Variants in MFN2 observed in about 807,000 individuals in gnomAD.
MFN2 encodes mitofusin-2.
MFN2 carries 43 observed loss-of-function variants against 87.5 expected under a neutral mutation model. That is an observed-to-expected ratio of 0.49 (90% CI 0.38 to 0.63). The LOEUF (loss-of-function observed/expected upper bound fraction) is 0.63. Among genes scored for constraint, MFN2 ranks in the 30% least tolerant of loss-of-function variants. The probability of loss-of-function intolerance (pLI) is 0.00; values close to 1 mark genes in which losing one functional copy is unlikely to be tolerated. For missense variants in MFN2, 743 were observed against 972.8 expected, an observed-to-expected ratio of 0.76 and a Z score of 3.14; for synonymous variants, 337 against 359.9, an observed-to-expected ratio of 0.94 and a Z score of 0.72.
intron 7 of MFN2, 42 bp downstream of exon 7, chr1:11,998,920 T>C (rs1172508987): frequency 1.2e-6 from 2 of 1,612,222 alleles, no homozygotes; most frequent in African/African-American, 1.3e-5. Context: ...CAGCACCCCC[T>C]GGGCAGGCAG....
At position 11,997,361 on chromosome 1, in the gene MFN2, G is replaced by A; in HGVS notation, c.539G>A (p.Ser180Asn). The change falls in exon 6 of 19, where the codon AGT becomes AAT. Residue 180 changes from serine to asparagine, a missense_variant. Around this residue, in one of 3 missense-constraint regions of MFN2, gnomAD observed 141 missense variants for 278.9 expected, o/e 0.51. Coordinates refer to ENST00000235329, the MANE Select transcript of MFN2 (RefSeq NM_014874.4). ...CAGCTCCATGCCGGCAGCCTAGTGA[G>A]TGTGATGTGGCCCAACTCTAAGTGC... ...DKQLHAGSLV[S>N]VMWPNSKCPL... is the part of the protein sequence containing the mutation. 3.7e-6 allele frequency: 6 copies of A among 1,614,216 alleles called. No individual in the cohort carries two copies. Among genetic ancestry groups the A allele is most frequent in the Non-Finnish European group, 5.1e-6 (6 of 1,180,032 alleles).
chr1:12,001,891 G>A, intron 10 of MFN2, 55 bp downstream of exon 10: 1 of 1,613,760 alleles, frequency 6.2e-7, no homozygotes, highest in Non-Finnish European at 8.5e-7. Context: ...GCTCCCATTG[G>A]CTGTGTCCCT....
At chr1:12,001,322 C>T (rs1639161182) in intron 8 of MFN2, 79 bp from the exon 9 acceptor site, 4 of 1,571,344 alleles carry the variant, frequency 2.5e-6, no homozygotes, top group South Asian at 2.3e-5. Context: ...CTCTTATGAC[C>T]TATTCTTTTA....
At position 11,994,025 on chromosome 1, in the gene MFN2, G is replaced by A. The variant is rs146217248; in HGVS notation, c.311+1335G>A. ...AACACTTCCACAGCTGTAGTCAAAG[G>A]TGTGCACATTGAGATTGAGTATTCC... On this transcript the variant is annotated intron_variant, in intron 4 of 18. Transcript: ENST00000235329. 6.0e-4 allele frequency among the ~76,000 whole-genome samples: 92 copies of A among 152,248 alleles called. 1 individual carries two copies. The highest frequency in any genetic ancestry group is 2.2e-3 in the African/African-American group (90 of 41,534).
rs375432031 is a variant in MFN2 at position 12,006,738 on chromosome 1, T to C, written c.1872+45T>C. 3 of 966,240 alleles carry C rather than the reference T, an allele frequency of 3.1e-6. No homozygotes were observed. The African/African-American group carries it at 5.1e-5, about 16-fold the overall frequency. The allele number at this position is 966,240 out of a possible 1,614,324, so 59.9% of individuals were successfully genotyped here. On this transcript the variant is annotated intron_variant, in intron 16 of 18. Coordinates refer to ENST00000235329, the MANE Select transcript of MFN2 (RefSeq NM_014874.4). ...CGGGAAGGTGGGGGCGGAGGGCAGG[T>C]GGGCGGGGCCTGAGGGCTAGGTTCC... is the stretch of plus-strand genomic sequence containing the variant.
chr1:11,997,574 G>A (rs1638967478), intron 6 of MFN2, among the ~76,000 whole-genome samples, 153 bp downstream of exon 6: 1 of 152,112 alleles, frequency 6.6e-6, no homozygotes, highest in South Asian at 2.1e-4. Context: ...CTGGCCTCTT[G>A]GCTTTCCTCT....
chr1:12,000,021 C>T (rs1002960908), intron 8 of MFN2, among the ~76,000 whole-genome samples: 16 of 151,472 alleles, frequency 1.1e-4, no homozygotes, highest in Non-Finnish European at 5.9e-5. Context: ...GGCGTGAACC[C>T]GGGAGGTGGA....
Position 12,004,256 on chromosome 1 carries a change from C to T in MFN2, c.1287+138C>T, listed in dbSNP as rs923974222. The T allele has an allele frequency of 1.3e-4, 162 of 1,224,704 alleles. 1 individual carries two copies. The highest frequency in any genetic ancestry group is 1.1e-3 in the South Asian group (85 of 77,418). The allele number at this position is 1,224,704 out of a possible 1,614,324, so 75.9% of individuals were successfully genotyped here. A position where few individuals can be genotyped will look rare whatever the true frequency, so the allele number is the denominator to read the frequency against. On this transcript the variant is annotated intron_variant, in intron 12 of 18. Coordinates refer to ENST00000235329, the MANE Select transcript of MFN2 (RefSeq NM_014874.4). This position sits in a 1 kb window ranked among gnomAD's most constrained non-coding sequence, Gnocchi z 4.2. The stretch of plus-strand genomic sequence containing the variant: ...CCCTGTTTCAAGAATACAGAGCTGC[C>T]GTTTGGGTTCCATTGTCGGGTTGTG...
At position 11,989,113 on chromosome 1, in the gene MFN2, G is replaced by A. The variant is rs1188755125; in HGVS notation, c.-4-52G>A. 1.5e-5 allele frequency: 24 copies of A among 1,592,764 alleles called. No individual in the cohort carries two copies. The Admixed American group carries it at 3.5e-4, about 23-fold the overall frequency. The stretch of plus-strand genomic sequence containing the variant: ...AAGCATTCCGCCATCTCCCTAGCAG[G>A]ATGTCCCGAGGTAGGTGTTGCTGGG... On this transcript the variant is annotated intron_variant, in intron 2 of 18. Coordinates refer to ENST00000235329, the MANE Select transcript of MFN2 (RefSeq NM_014874.4).
chr1:11,995,596 G>A (rs1399399225), intron 4 of MFN2, among the ~76,000 whole-genome samples: 1 of 152,044 alleles, frequency 6.6e-6, no homozygotes, highest in Non-Finnish European at 1.5e-5. Flanking sequence ...TCGTGCCACT[G>A]CACTCCAGCC....
rs1639386427 is a variant in MFN2 at position 12,005,885 on chromosome 1, T to C, written c.1670T>C (p.Leu557Pro). Reference protein sequence around the residue: ...LGWTMLVNRFLGPKNSRRALM... With the variant: ...LGWTMLVNRFPGPKNSRRALM... Reference sequence around the variant, plus strand: ...TGGACCATGCTGGTGAATAGGTTCCTGGGCCCCAAGAACAGCCGTCGGGCC... The same window carrying C: ...TGGACCATGCTGGTGAATAGGTTCCCGGGCCCCAAGAACAGCCGTCGGGCC... Residue 557 changes from leucine (L) to proline (P), a missense_variant, in exon 15 of 19, where the codon CTG (leucine) becomes CCG (proline). By Grantham distance (98) the Leu-to-Pro change is moderately conservative. Transcript: ENST00000235329. 1 of 1,614,192 alleles carries C rather than the reference T, an allele frequency of 6.2e-7. No homozygotes were observed. Among genetic ancestry groups the C allele is most frequent in the Non-Finnish European group, 8.5e-7 (1 of 1,180,030 alleles).
At chr1:11,985,819 AT>A (rs1385164818) in intron 2 of MFN2, among the ~76,000 whole-genome samples, 1 of 152,074 alleles carries the variant, frequency 6.6e-6, no homozygotes, top group Non-Finnish European at 1.5e-5. Context: ...TGCCTGCCAC[AT>A]CCCCTCTTTC....
At chr1:12,001,370 C>G (rs1267624101) in intron 8 of MFN2, 31 bp from the exon 9 acceptor site, 4 of 1,611,884 alleles carry the variant, frequency 2.5e-6, no homozygotes, top group Non-Finnish European at 3.4e-6. Context: ...GCCACCTACA[C>G]TCACTCTGGA....
chr1:11,990,731 G>A (rs1430552773), intron 3 of MFN2, among the ~76,000 whole-genome samples: 1 of 152,144 alleles, frequency 6.6e-6, no homozygotes, highest in Non-Finnish European at 1.5e-5. Context: ...GAGCTTGTTG[G>A]CCTGCTGGCT....
intron 2 of MFN2, among the ~76,000 whole-genome samples, chr1:11,987,715 A>G (rs1258658294): frequency 6.6e-6 from 1 of 151,958 alleles, no homozygotes; most frequent in Non-Finnish European, 1.5e-5. Context: ...TGGGAATCCA[A>G]AGTGAGAGGA....
intron 2 of MFN2, 92 bp from the exon 3 acceptor site, chr1:11,989,073 T>G: frequency 7.1e-7 from 1 of 1,402,342 alleles, no homozygotes; most frequent in Non-Finnish European, 1.0e-6. Flanking sequence ...ATCCCCATAT[T>G]CTTGATTCTC....
At chr1:12,005,038 G>A in intron 14 of MFN2, 111 bp downstream of exon 14, 1 of 825,004 alleles carries the variant, frequency 1.2e-6, no homozygotes, top group East Asian at 2.7e-5. Context: ...TTTTCATGAT[G>A]ATTCAACTCG....
At position 12,003,829 on chromosome 1, in the gene MFN2, C is replaced by T. The variant is rs977089944; in HGVS notation, c.1161-163C>T. Among the ~76,000 whole-genome samples, 5 of 152,224 alleles carry T rather than the reference C, an allele frequency of 3.3e-5. No individual in the cohort carries two copies. Among genetic ancestry groups the T allele is most frequent in the African/African-American group, 9.7e-5 (4 of 41,450 alleles). On this transcript the variant is annotated intron_variant, in intron 11 of 18. Transcript: ENST00000235329. The surrounding 1 kb of genome is among the most constrained non-coding windows in gnomAD (Gnocchi z 4.1). ...AAGAGTGCATGGTTGGCTGCAGGGT[C>T]CTCTTCTTACCTGGGAAGGGGAAGG...
At chr1:11,999,166 C>G (rs953652899) in intron 8 of MFN2, 71 bp downstream of exon 8, 9 of 1,210,412 alleles carry the variant, frequency 7.4e-6, no homozygotes, top group Admixed American at 1.7e-5. Context: ...GGGGCCACTT[C>G]CTGCACCCCT....
Sources: allele counts gnomAD v4.1 joint callset (sites outside exome capture counted in the v4.1 genomes callset), GRCh38; gene constraint gnomAD v4.1.1; regional missense constraint gnomAD v4.1.1; non-coding constraint Gnocchi (gnomAD v3.1); transcripts MANE v1.5; gene names NCBI Gene and HGNC (gene_info 2026-07-23, HGNC 2026-07-21).